Variants in CNTN3 observed in about 807,000 individuals in gnomAD.
CNTN3 encodes contactin-3.
A neutral mutation model predicts 119.1 loss-of-function variants in CNTN3; 60 were observed. The observed-to-expected ratio is 0.50, with a 90% confidence interval of 0.41 to 0.62. CNTN3 has a LOEUF of 0.62. Ranked by LOEUF, CNTN3 falls within the 20% of genes least tolerant of loss-of-function variation. The pLI is 0.00. For synonymous variants in CNTN3, 450 were observed against 438.7 expected (o/e 1.03, Z -0.32); for missense variants, 1,101 against 1,242.4 (o/e 0.89, Z 1.71).
At chr3:74,525,530 C>A (rs1208442815) in intron 1 of CNTN3, among the ~76,000 whole-genome samples, 2 of 151,792 alleles carry the variant, frequency 1.3e-5, no homozygotes, top group Non-Finnish European at 2.9e-5. Context: ...AAGGAAGCTA[C>A]TGAAGCAAGA....
intron 8 of CNTN3, 115 bp from the exon 9 acceptor site, chr3:74,365,817 C>G (rs1467037531): frequency 2.6e-6 from 3 of 1,171,644 alleles, no homozygotes; most frequent in South Asian, 1.6e-5. Context: ...TAATGAGTAA[C>G]AGATTGAAGT....
chr3:74,368,414 T>C (rs1704250159), intron 8 of CNTN3, among the ~76,000 whole-genome samples: 1 of 152,116 alleles, frequency 6.6e-6, no homozygotes, highest in African/African-American at 2.4e-5. Context: ...TTTTGCGATG[T>C]TTCTAATGAT....
At chr3:74,460,794 TA>T (rs1167293234) in intron 4 of CNTN3, among the ~76,000 whole-genome samples, 1 of 60,534 alleles carries the variant, frequency 1.7e-5, no homozygotes, top group Admixed American at 2.0e-4. Flanking sequence ...TATATATATA[TA>T]TATATATATA....
intron 5 of CNTN3, among the ~76,000 whole-genome samples, chr3:74,394,596 C>T (rs1348897153): frequency 1.3e-5 from 2 of 152,036 alleles, no homozygotes; most frequent in Admixed American, 6.6e-5. Flanking sequence ...AAAGTAAACA[C>T]TAAGAGAAGT....
chr3:74,415,731 T>G (rs1701508804), intron 5 of CNTN3, among the ~76,000 whole-genome samples: 1 of 152,168 alleles, frequency 6.6e-6, no homozygotes, highest in African/African-American at 2.4e-5. Context: ...GGCCAGGCAG[T>G]CTTTCGTCCT....
At chr3:74,271,972 T>C (rs1701786780) in intron 20 of CNTN3, among the ~76,000 whole-genome samples, 2 of 152,178 alleles carry the variant, frequency 1.3e-5, no homozygotes, top group Non-Finnish European at 2.9e-5. Flanking sequence ...AGGTCTTTCT[T>C]TGATTTTTGG....
intron 1 of CNTN3, among the ~76,000 whole-genome samples, chr3:74,531,276 G>C (rs530227471): frequency 6.6e-6 from 1 of 151,686 alleles, no homozygotes; most frequent in African/African-American, 2.4e-5. Context: ...GGAGTGGGTG[G>C]GGCTACCTGA....
intron 10 of CNTN3, 50 bp from the exon 11 acceptor site, chr3:74,362,090 C>A (rs911512663): frequency 3.8e-6 from 6 of 1,590,688 alleles, no homozygotes; most frequent in Non-Finnish European, 5.1e-6. Context: ...TACAAAACTT[C>A]TTGTCAATTT....
chr3:74,396,489 GAA>G (rs1705058055), intron 5 of CNTN3, among the ~76,000 whole-genome samples: 1 of 152,204 alleles, frequency 6.6e-6, no homozygotes, highest in East Asian at 1.9e-4. Flanking sequence ...TAAAAGCTGG[GAA>G]AACCCAGTAC....
chr3:74,581,008 C>G (rs1437217528), intron 1 of CNTN3, among the ~76,000 whole-genome samples: 1 of 152,206 alleles, frequency 6.6e-6, no homozygotes, highest in Non-Finnish European at 1.5e-5. Flanking sequence ...AGGCGTGAGC[C>G]ACCATGCTCA....
At chr3:74,459,696 C>T (rs1450344545) in intron 4 of CNTN3, among the ~76,000 whole-genome samples, 1 of 151,940 alleles carries the variant, frequency 6.6e-6, no homozygotes, top group African/African-American at 2.4e-5. Context: ...CTCCTACTCA[C>T]CCAGTAGTTA....
chr3:74,309,785 T>G (rs2106834321), intron 13 of CNTN3, among the ~76,000 whole-genome samples: 1 of 152,306 alleles, frequency 6.6e-6, no homozygotes, highest in African/African-American at 2.4e-5. Context: ...GTAGGCTGTA[T>G]ACTGCTGAAC....
intron 20 of CNTN3, among the ~76,000 whole-genome samples, chr3:74,272,641 A>G (rs1198048884): frequency 2.6e-5 from 4 of 152,182 alleles, no homozygotes; most frequent in Admixed American, 6.5e-5. Flanking sequence ...GGGGGATGTG[A>G]TGCACAGAAA....
At chr3:74,611,104 G>A (rs940986085) in intron 1 of CNTN3, among the ~76,000 whole-genome samples, 1 of 152,186 alleles carries the variant, frequency 6.6e-6, no homozygotes. Flanking sequence ...CTAAGAGAAT[G>A]CTATGGAATC....
At chr3:74,335,378 G>A (rs903805948) in intron 12 of CNTN3, among the ~76,000 whole-genome samples, 1 of 152,046 alleles carries the variant, frequency 6.6e-6, no homozygotes, top group Non-Finnish European at 1.5e-5. Flanking sequence ...GGTACAAAAA[G>A]GAGGGGTACT....
chr3:74,460,208 A>T (rs1293489221), intron 4 of CNTN3, among the ~76,000 whole-genome samples: 2 of 151,926 alleles, frequency 1.3e-5, no homozygotes, highest in Non-Finnish European at 1.5e-5. Context: ...TCACATTTTG[A>T]TCTTCTTTGT....
chr3:74,274,279 C>A (rs1179856987), intron 20 of CNTN3, among the ~76,000 whole-genome samples: 2 of 152,224 alleles, frequency 1.3e-5, no homozygotes, highest in East Asian at 1.9e-4. Flanking sequence ...GGCCCACCAA[C>A]TGTTCCTCTC....
intron 4 of CNTN3, among the ~76,000 whole-genome samples, chr3:74,427,706 G>A (rs946126389): frequency 4.6e-5 from 7 of 152,078 alleles, no homozygotes; most frequent in Admixed American, 4.6e-4. Flanking sequence ...AGGGAGTTAA[G>A]CAGGTCACAG....
chr3:74,559,788 T>C (rs995123075), intron 1 of CNTN3, among the ~76,000 whole-genome samples: 1 of 151,680 alleles, frequency 6.6e-6, no homozygotes, highest in African/African-American at 2.4e-5. Context: ...TACCATGCAA[T>C]TGCTTAATAT....
Sources: gnomAD v4.1 joint callset for allele counts (sites outside exome capture counted in the v4.1 genomes callset) on GRCh38, gnomAD v4.1.1 for gene constraint, MANE v1.5 for transcripts, NCBI Gene and HGNC (gene_info 2026-07-23, HGNC 2026-07-21) for gene names.